AGMO: variants seen among roughly 807,000 people sequenced by gnomAD.
The protein encoded by AGMO is glyceryl-ether monooxygenase.
AGMO carries 75 observed loss-of-function variants against 60.2 expected under a neutral mutation model. That is an observed-to-expected ratio of 1.25 (90% CI 1.03 to 1.51). The LOEUF (loss-of-function observed/expected upper bound fraction) is 1.51, where lower values mean the gene tolerates loss of function less well. AGMO is among the 40% of genes most tolerant of loss of function. AGMO has a pLI of 0.00. For missense variants in AGMO, 763 were observed against 525.5 expected (o/e 1.45, Z -4.42); for synonymous variants, 261 against 177.1 (o/e 1.47, Z -3.76).
intron 10 of AGMO, among the ~76,000 whole-genome samples, chr7:15,376,638 GT>G (rs546265221): frequency 6.6e-6 from 1 of 151,948 alleles, no homozygotes; most frequent in African/African-American, 2.4e-5. Flanking sequence ...TATTCAAACT[GT>G]TTTTTGTGTG....
intron 3 of AGMO, among the ~76,000 whole-genome samples, chr7:15,444,886 T>C (rs1781658401): frequency 6.6e-6 from 1 of 152,184 alleles, no homozygotes; most frequent in South Asian, 2.1e-4. Context: ...TTCCTGCTTT[T>C]CCCCTGTTTT....
chr7:15,288,995 G>GT (rs1302572609), intron 12 of AGMO, among the ~76,000 whole-genome samples: 3 of 151,654 alleles, frequency 2.0e-5, no homozygotes, highest in Non-Finnish European at 4.4e-5. Context: ...GTGTGCTGTT[G>GT]TTCTATTACC....
chr7:15,148,066 G>C, the AGMO span, among the ~76,000 whole-genome samples: 2 of 151,948 alleles, frequency 1.3e-5, no homozygotes, highest in Admixed American at 1.3e-4. Context: ...ATTATTAATA[G>C]TATTAATTTT....
chr7:15,255,534 C>CAAAAAAAAAAAAAA (rs60035165), intron 12 of AGMO, among the ~76,000 whole-genome samples: 6 of 115,648 alleles, frequency 5.2e-5, no homozygotes, highest in Non-Finnish European at 9.0e-5. Flanking sequence ...TGTAAGAATA[C>CAAAAAAAAAAAAAA]AAAAAAAAAA....
rs186183054 is a variant in AGMO at position 15,480,441 on chromosome 7, A to G, written c.410-49333T>C. Among the ~76,000 whole-genome samples, 539 of 152,276 alleles carry G rather than the reference A, an allele frequency of 3.5e-3. 5 individuals carry two copies. Among genetic ancestry groups the G allele is most frequent in the Middle Eastern group, 0.014 (4 of 294 alleles). Reference sequence around the variant, plus strand: ...TGATGGGGTAAAGAAAAGCACTAAAAGCAAGAAGAATAAAGACAGACTTGG... The same window carrying G: ...TGATGGGGTAAAGAAAAGCACTAAAGGCAAGAAGAATAAAGACAGACTTGG... On this transcript the variant is annotated intron_variant, in intron 3 of 12. Transcript: ENST00000342526.
chr7:15,366,842 G>C (rs1215328337), intron 10 of AGMO, among the ~76,000 whole-genome samples: 1 of 151,920 alleles, frequency 6.6e-6, no homozygotes, highest in Admixed American at 6.6e-5. Context: ...TGATATATTG[G>C]ACTTTGAGCC....
chr7:15,430,045 C>T (rs1458574337), intron 4 of AGMO, among the ~76,000 whole-genome samples: 3 of 151,868 alleles, frequency 2.0e-5, no homozygotes, highest in Non-Finnish European at 4.4e-5. Context: ...GAACTATAGA[C>T]TCAGCTCTAC....
chr7:15,332,366 G>GTTGT (rs1781525045), intron 12 of AGMO, among the ~76,000 whole-genome samples: 1 of 152,042 alleles, frequency 6.6e-6, no homozygotes, highest in Non-Finnish European at 1.5e-5. Context: ...ACTGTTAAAC[G>GTTGT]TAACATGGAG....
the AGMO span, among the ~76,000 whole-genome samples, chr7:15,181,002 T>C: frequency 1.3e-5 from 2 of 152,112 alleles, no homozygotes; most frequent in African/African-American, 4.8e-5. Context: ...TCATTTTATG[T>C]AAAGCCCCTC....
At chr7:15,291,437 C>A (rs931965389) in intron 12 of AGMO, among the ~76,000 whole-genome samples, 2 of 152,052 alleles carry the variant, frequency 1.3e-5, no homozygotes, top group African/African-American at 4.8e-5. Context: ...GTATAGTGTT[C>A]TTCTTAAGTA....
chr7:15,421,038 C>G (rs1780908069), intron 4 of AGMO, among the ~76,000 whole-genome samples: 1 of 152,114 alleles, frequency 6.6e-6, no homozygotes, highest in South Asian at 2.1e-4. Context: ...TATTCTCTTA[C>G]TAAGTGAACG....
intron 12 of AGMO, among the ~76,000 whole-genome samples, chr7:15,240,511 A>C (rs1483308880): frequency 6.6e-6 from 1 of 152,160 alleles, no homozygotes; most frequent in African/African-American, 2.4e-5. Context: ...AGTTTCACTT[A>C]GGTGCAGAGA....
intron 12 of AGMO, among the ~76,000 whole-genome samples, chr7:15,300,348 C>A (rs1330478705): frequency 6.6e-6 from 1 of 152,142 alleles, no homozygotes; most frequent in Non-Finnish European, 1.5e-5. Flanking sequence ...GATGGTTTGG[C>A]AGCTTAACCA....
intron 12 of AGMO, among the ~76,000 whole-genome samples, chr7:15,353,363 A>G (rs1163275332): frequency 6.6e-6 from 1 of 152,170 alleles, no homozygotes; most frequent in Non-Finnish European, 1.5e-5. Context: ...CTTTTTATCC[A>G]AACAATCTAA....
At chr7:15,531,454 C>A (rs192477715) in intron 3 of AGMO, among the ~76,000 whole-genome samples, 240 of 15,874 alleles carry the variant, frequency 0.015, 28 homozygotes, top group African/African-American at 0.038. Context: ...TATATATTCT[C>A]TATATATATT....
At chr7:15,188,422 T>C in the AGMO span, among the ~76,000 whole-genome samples, 1 of 152,222 alleles carries the variant, frequency 6.6e-6, no homozygotes. Context: ...TGTCCATTAT[T>C]ATACTTACAA....
At chr7:15,356,261 T>G (rs1015996216) in intron 12 of AGMO, among the ~76,000 whole-genome samples, 2 of 152,084 alleles carry the variant, frequency 1.3e-5, no homozygotes, top group African/African-American at 4.8e-5. Context: ...GATGAATTTT[T>G]ATTGCAGCAT....
intron 3 of AGMO, among the ~76,000 whole-genome samples, chr7:15,535,403 A>G (rs1234673747): frequency 5.3e-5 from 8 of 151,936 alleles, no homozygotes; most frequent in Non-Finnish European, 1.0e-4. Flanking sequence ...ATGAAGTTAA[A>G]ATAAGAAAAT....
chr7:15,362,151 A>C (rs1362224721), intron 12 of AGMO, among the ~76,000 whole-genome samples: 1 of 152,182 alleles, frequency 6.6e-6, no homozygotes, highest in Non-Finnish European at 1.5e-5. Context: ...TAATAAAAGA[A>C]CAGTTTTATT....
Sources: allele counts gnomAD v4.1 joint callset (sites outside exome capture counted in the v4.1 genomes callset), GRCh38; gene constraint gnomAD v4.1.1; transcripts MANE v1.5; gene names NCBI Gene and HGNC (gene_info 2026-07-23, HGNC 2026-07-21).